The following DDN variants were observed in gnomAD, a reference collection of about 807,000 sequenced individuals.
DDN encodes the protein dendrin.
Under a neutral mutation model 7.3 loss-of-function variants are expected in DDN, and 4 were observed. That is an observed-to-expected ratio of 0.55 (90% CI 0.27 to 1.25). The LOEUF is 1.25. Among genes scored for constraint, DDN ranks in the 50% most tolerant of loss-of-function variants. The probability of loss-of-function intolerance (pLI) is 0.12; values close to 1 mark genes in which losing one functional copy is unlikely to be tolerated. For synonymous variants in DDN, 425 were observed against 424.3 expected (o/e 1.00, Z -0.02); for missense variants, 933 against 974.7 (o/e 0.96, Z 0.57).
Position 48,997,217 on chromosome 12 carries a change from G to A in DDN, c.1659C>T (p.Ala553=), listed in dbSNP as rs1405659757. The change falls in exon 2 of 2, where the codon GCC becomes GCT. Residue 553 remains alanine, a synonymous_variant. Transcript: ENST00000421952. ...GGGCGTCCCGCAGGTTTACTTCGGGGGCCGGGAGCCCCAAGATGCGGAAAG... is the reference window on the plus strand; with the variant it reads ...GGGCGTCCCGCAGGTTTACTTCGGGAGCCGGGAGCCCCAAGATGCGGAAAG... ...ERTFRILGLP[A]PEVNLRDAPT... 1 of 1,585,398 alleles carries A rather than the reference G, an allele frequency of 6.3e-7. No homozygotes were observed. The highest frequency in any genetic ancestry group is 8.6e-7 in the Non-Finnish European group (1 of 1,165,670).
At position 48,995,285 on chromosome 12, in the gene DDN, G is replaced by T. The variant is rs1941187172; in HGVS notation, c.*1455C>A. ...TATAAACCCCCATTTGACAGATGAG[G>T]AAACTGAGGCTCAGGGAGGTGAAGT... On this transcript the variant is annotated 3_prime_UTR_variant, in exon 2 of 2. Coordinates refer to ENST00000421952, the MANE Select transcript of DDN (RefSeq NM_015086.2). 1 of 155,228 alleles carries T rather than the reference G, an allele frequency of 6.4e-6. No homozygotes were observed. Among genetic ancestry groups the T allele is most frequent in the Non-Finnish European group, 1.4e-5 (1 of 70,466 alleles). 9.6% of individuals were successfully genotyped at this position (155,228 alleles called of 1,614,324 possible).
At chr12:48,998,876 C>T (rs531310634) in intron 1 of DDN, among the ~76,000 whole-genome samples, 598 of 152,304 alleles carry the variant, frequency 3.9e-3, no homozygotes, top group Admixed American at 6.5e-3. Context: ...GCGTCTGCCC[C>T]ATCTCACCTC....
rs370273938 is a variant in DDN, at chr12:48,997,629, A to C, written c.1247T>G (p.Leu416Arg). The change falls in exon 2 of 2, where the codon CTG (leucine) becomes CGG (arginine). Residue 416 changes from leucine to arginine, a missense_variant. Leu to Arg is a moderately radical substitution (Grantham distance 102). Coordinates refer to ENST00000421952, the MANE Select transcript of DDN (RefSeq NM_015086.2). ...CGGTCCTGCCCCCTCTCCAAGACCC[A>C]GAGATTCTCTCCATCCGGTGCCTCC... ...APGGTGWRES[L>R]GLGEGAGPET... 1.3e-6 allele frequency: 2 copies of C among 1,550,264 alleles called. No individual in the cohort carries two copies. The highest frequency in any genetic ancestry group is 2.5e-5 in the South Asian group (2 of 81,600).
At position 48,997,145 on chromosome 12, in the gene DDN, A is replaced by C; in HGVS notation, c.1731T>G (p.Ala577=). The C allele has an allele frequency of 6.5e-7, 1 of 1,530,384 alleles. No homozygotes were observed. Among genetic ancestry groups the C allele is most frequent in the Non-Finnish European group, 8.7e-7 (1 of 1,143,524 alleles). 94.8% of individuals were successfully genotyped at this position (1,530,384 alleles called of 1,614,324 possible). A position where few individuals can be genotyped will look rare whatever the true frequency, so the allele number is the denominator to read the frequency against. ...SPEHQALGPA[A]SGAQGRAEGS... is the part of the protein sequence containing the mutation. ...CCTCGGCTCTGCCCTGGGCTCCCGA[A>C]GCTGCTGGGCCTAAGGCTTGGTGCT... The change falls in exon 2 of 2, where the codon GCT becomes GCG. Residue 577 remains alanine (A), a synonymous_variant. Coordinates refer to ENST00000421952, the MANE Select transcript of DDN (RefSeq NM_015086.2).
In DDN at chr12:48,998,777, TGTGA is replaced by T. The variant is rs1202695862; in HGVS notation, c.210-115_210-112del. On this transcript the variant is annotated intron_variant, in intron 1 of 1. Coordinates refer to ENST00000421952, the MANE Select transcript of DDN (RefSeq NM_015086.2). ...TGGGGCAGCCATGTGAAGGGGTGTGTGTGAGTGTGTGCGCGTGTGCACGTGCGTA... is the reference window on the plus strand; with the variant it reads ...TGGGGCAGCCATGTGAAGGGGTGTGTGTGTGTGCGCGTGTGCACGTGCGTA... 10 of 1,306,538 alleles carry T rather than the reference TGTGA, an allele frequency of 7.7e-6. 1 individual carries two copies. Among genetic ancestry groups the T allele is most frequent in the South Asian group, 6.3e-5 (4 of 63,842 alleles). 80.9% of individuals were successfully genotyped at this position (1,306,538 alleles called of 1,614,324 possible). A position where few individuals can be genotyped will look rare whatever the true frequency, so the allele number is the denominator to read the frequency against.
At position 48,995,663 on chromosome 12, in the gene DDN, C is replaced by G. The variant is rs1941194202; in HGVS notation, c.*1077G>C. 1 of 152,294 alleles carries G rather than the reference C, an allele frequency of 6.6e-6. No homozygotes were observed. Among genetic ancestry groups the G allele is most frequent in the Admixed American group, 6.5e-5 (1 of 15,286 alleles). The allele number at this position is 152,294 out of a possible 1,614,324, so 9.4% of individuals were successfully genotyped here. ...TCTGGTGACCGGCCTCTTTCCTTGC[C>G]TGGCCGGTTTCTGGAAGAGGCCAAG... On this transcript the variant is annotated 3_prime_UTR_variant, in exon 2 of 2. Transcript: ENST00000421952.
At position 48,998,371 on chromosome 12, in the gene DDN, C is replaced by G. The variant is rs1001717698; in HGVS notation, c.505G>C (p.Ala169Pro). The G allele has an allele frequency of 1.3e-6, 2 of 1,496,220 alleles. No homozygotes were observed. The highest frequency in any genetic ancestry group is 4.6e-5 in the Admixed American group (2 of 43,802). 92.7% of individuals were successfully genotyped at this position (1,496,220 alleles called of 1,614,324 possible). Residue 169 changes from alanine (A) to proline (P), a missense_variant, in exon 2 of 2, where the codon GCG becomes CCG. By Grantham distance (27) the Ala-to-Pro change is conservative. Transcript: ENST00000421952. ...GGACGGGGCGCTCGCCCCACAGGCG[C>G]CAGGCGCTCCGGCCGCAAGGGAGCA... ...LPAPLRPERLAPVGRAPRPSA... is the reference protein window; with the variant it reads ...LPAPLRPERLPPVGRAPRPSA...
At position 48,999,361 on chromosome 12, in the gene DDN, G is replaced by T; in HGVS notation, c.-74C>A. On this transcript the variant is annotated 5_prime_UTR_variant, in exon 1 of 2. Transcript: ENST00000421952. ...CCCCCTCCCAGCCCAGGGAGCCGGCGCCCACTGCAGAGCCGCGGGCCCGGG... is the reference window on the plus strand; with the variant it reads ...CCCCCTCCCAGCCCAGGGAGCCGGCTCCCACTGCAGAGCCGCGGGCCCGGG... 1 of 1,377,750 alleles carries T rather than the reference G, an allele frequency of 7.3e-7. No homozygotes were observed. Among genetic ancestry groups the T allele is most frequent in the Non-Finnish European group, 9.7e-7 (1 of 1,033,414 alleles). The allele number at this position is 1,377,750 out of a possible 1,614,324, so 85.3% of individuals were successfully genotyped here.
chr12:48,998,771 G>GGTGTGTGTGA, intron 1 of DDN, 105 bp from the exon 2 acceptor site: 9 of 1,351,582 alleles, frequency 6.7e-6, no homozygotes, highest in Non-Finnish European at 7.8e-6. Context: ...CATGTGAAGG[G>GGTGTGTGTGA]GTGTGTGTGA....
Position 48,998,418 on chromosome 12 carries a change from AC to A in DDN, c.457del (p.Val153TrpfsTer57). ...AGCAGGGAGCCCTGCCAGCTGGGCC[AC>A]CCGAGGGGCGTTGCGGGGCTCCGGG... ...PRPEPRNAPR[V>X]AQLAGLPAPL... On this transcript the variant is annotated frameshift_variant, in exon 2 of 2. Coordinates refer to ENST00000421952, the MANE Select transcript of DDN (RefSeq NM_015086.2). LOFTEE classifies it low-confidence loss of function (END_TRUNC). The A allele has an allele frequency of 1.3e-6, 2 of 1,505,002 alleles. No homozygotes were observed. The highest frequency in any genetic ancestry group is 1.8e-6 in the Non-Finnish European group (2 of 1,136,428). 93.2% of individuals were successfully genotyped at this position (1,505,002 alleles called of 1,614,324 possible).
intron 1 of DDN, among the ~76,000 whole-genome samples, 183 bp from the exon 2 acceptor site, chr12:48,998,849 C>G (rs553660567): frequency 2.0e-5 from 3 of 152,302 alleles, no homozygotes; most frequent in East Asian, 3.9e-4. Context: ...CGCCATCTCT[C>G]CATGCACACT....
At position 48,997,347 on chromosome 12, in the gene DDN, C is replaced by A. The variant is rs775215355; in HGVS notation, c.1529G>T (p.Cys510Phe). ...GCGACTGCTCGACAGCCGCTTTTGA[C>A]AAGGGGAAGGAAAGACCGTGGCCCC... Reference protein sequence around the residue: ...GEGATVFPSPCQKRLSSSRLL... With the variant: ...GEGATVFPSPFQKRLSSSRLL... The change falls in exon 2 of 2, where the codon TGT (cysteine) becomes TTT (phenylalanine). Residue 510 changes from cysteine (C) to phenylalanine (F), a missense_variant. By Grantham distance (205) the Cys-to-Phe change is radical. Coordinates refer to ENST00000421952, the MANE Select transcript of DDN (RefSeq NM_015086.2). 2 of 1,611,308 alleles carry A rather than the reference C, an allele frequency of 1.2e-6. No individual in the cohort carries two copies. The highest frequency in any genetic ancestry group is 3.4e-5 in the Admixed American group (2 of 59,466).
At chr12:48,998,751 T>C (rs1941255620) in intron 1 of DDN, 85 bp from the exon 2 acceptor site, 1 of 1,408,000 alleles carries the variant, frequency 7.1e-7, no homozygotes, top group Non-Finnish European at 9.3e-7. Flanking sequence ...TGGAGACCAC[T>C]TGGGGCAGCC....
Position 48,997,126 on chromosome 12 carries a change from C to T in DDN, c.1750G>A (p.Ala584Thr), listed in dbSNP as rs1401096381. 6.5e-7 allele frequency: 1 copy of T among 1,528,426 alleles called. No homozygotes were observed. Among genetic ancestry groups the T allele is most frequent in the Non-Finnish European group, 8.7e-7 (1 of 1,143,944 alleles). The allele number at this position is 1,528,426 out of a possible 1,614,324, so 94.7% of individuals were successfully genotyped here. Reference protein sequence around the residue: ...GPAASGAQGRAEGSEVAVVQR... With the variant: ...GPAASGAQGRTEGSEVAVVQR... ...ACCACCGCCACTTCCGACCCCTCGGCTCTGCCCTGGGCTCCCGAAGCTGCT... is the reference window on the plus strand; with the variant it reads ...ACCACCGCCACTTCCGACCCCTCGGTTCTGCCCTGGGCTCCCGAAGCTGCT... The change falls in exon 2 of 2, where the codon GCC (alanine) becomes ACC (threonine). Residue 584 changes from alanine (A) to threonine (T), a missense_variant. Transcript: ENST00000421952.
Position 48,996,553 on chromosome 12 carries a change from C to T in DDN, c.*187G>A. On this transcript the variant is annotated 3_prime_UTR_variant, in exon 2 of 2. Transcript: ENST00000421952. Reference sequence around the variant, plus strand: ...GACATTAATTAAATCTGCTCATTCTCACCTCTCCTGAAACAAAATCATTAA... The same window carrying T: ...GACATTAATTAAATCTGCTCATTCTTACCTCTCCTGAAACAAAATCATTAA... 9.7e-7 allele frequency: 1 copy of T among 1,035,006 alleles called. No homozygotes were observed. The highest frequency in any genetic ancestry group is 1.4e-6 in the Non-Finnish European group (1 of 738,170). 64.1% of individuals were successfully genotyped at this position (1,035,006 alleles called of 1,614,324 possible).
intron 1 of DDN, 101 bp downstream of exon 1, chr12:48,998,978 A>T (rs1476110999): frequency 1.5e-6 from 2 of 1,346,246 alleles, no homozygotes; most frequent in African/African-American, 2.9e-5. Context: ...AAGGCGTGGG[A>T]AAGAGAAGGG....
rs1488644308 is a variant in DDN at position 48,998,445 on chromosome 12, C to A, written c.431G>T (p.Arg144Leu). Residue 144 changes from arginine (R) to leucine (L), a missense_variant, in exon 2 of 2, where the codon CGC becomes CTC. Coordinates refer to ENST00000421952, the MANE Select transcript of DDN (RefSeq NM_015086.2). ...CCGAGGGGCGTTGCGGGGCTCCGGG[C>A]GGGGTCGACCCGGGGGGCTCCGTCG... ...GARRSPPGRP[R>L]PEPRNAPRVA... 5 of 1,533,212 alleles carry A rather than the reference C, an allele frequency of 3.3e-6. No individual in the cohort carries two copies. The South Asian group carries it at 3.6e-5, about 11-fold the overall frequency. The allele number at this position is 1,533,212 out of a possible 1,614,324, so 95.0% of individuals were successfully genotyped here.
In DDN at chr12:48,997,028, G is replaced by A; in HGVS notation, c.1848C>T (p.Ser616=). The part of the protein sequence containing the change: ...PYAGALREAV[S]RIRRHTAPDS... ...CAGGGGCTGTGTGGCGGCGGATACGGGACACGGCTTCTCGCAGGGCCCCGG... is the reference window on the plus strand; with the variant it reads ...CAGGGGCTGTGTGGCGGCGGATACGAGACACGGCTTCTCGCAGGGCCCCGG... Residue 616 remains serine, a synonymous_variant, in exon 2 of 2, where the codon TCC becomes TCT. Transcript: ENST00000421952. 6.4e-7 allele frequency: 1 copy of A among 1,563,014 alleles called. No individual in the cohort carries two copies. Among genetic ancestry groups the A allele is most frequent in the Non-Finnish European group, 8.6e-7 (1 of 1,156,116 alleles).
In DDN at chr12:48,995,456, T is replaced by C. The variant is rs1172083130; in HGVS notation, c.*1284A>G. 6.6e-6 allele frequency: 1 copy of C among 151,592 alleles called. No individual in the cohort carries two copies. The highest frequency in any genetic ancestry group is 6.6e-5 in the Admixed American group (1 of 15,254). The allele number at this position is 151,592 out of a possible 1,614,324, so 9.4% of individuals were successfully genotyped here. ...AGATGGGCCCGGCGGGCTCTAGAAG[T>C]CTGGGAGGCCGGAGGCCTGCTCCCG... On this transcript the variant is annotated 3_prime_UTR_variant, in exon 2 of 2. Coordinates refer to ENST00000421952, the MANE Select transcript of DDN (RefSeq NM_015086.2).
Sources: allele counts gnomAD v4.1 joint callset (sites outside exome capture counted in the v4.1 genomes callset), GRCh38; gene constraint gnomAD v4.1.1; transcripts MANE v1.5; gene names NCBI Gene and HGNC (gene_info 2026-07-23, HGNC 2026-07-21).